Variants in PTPRT observed in about 807,000 individuals in gnomAD.
The protein encoded by PTPRT is receptor-type tyrosine-protein phosphatase T.
A neutral mutation model predicts 176.8 loss-of-function variants in PTPRT; 56 were observed. The observed-to-expected ratio is 0.32, with a 90% CI of 0.26 to 0.40. PTPRT has a LOEUF of 0.40. Ranked by LOEUF, PTPRT falls within the 10% of genes least tolerant of loss-of-function variation. The pLI is 1.00. For missense variants in PTPRT, 1,540 were observed against 1,908.2 expected, an observed-to-expected ratio of 0.81 and a Z score of 3.60; for synonymous variants, 783 against 739.0, an observed-to-expected ratio of 1.06 and a Z score of -0.96.
At chr20:42,190,868 C>T (rs963388915) in intron 16 of PTPRT, among the ~76,000 whole-genome samples, 7 of 152,168 alleles carry the variant, frequency 4.6e-5, no homozygotes, top group African/African-American at 1.7e-4. Flanking sequence ...GGGTGTCAGG[C>T]TGACCTAGGT....
intron 1 of PTPRT, among the ~76,000 whole-genome samples, chr20:43,069,339 C>T (rs2011151269): frequency 6.6e-6 from 1 of 152,210 alleles, no homozygotes; most frequent in African/African-American, 2.4e-5. Flanking sequence ...CAGCTACTAA[C>T]TGGTCAGTGC....
intron 9 of PTPRT, among the ~76,000 whole-genome samples, chr20:42,442,270 C>G (rs1425645231): frequency 6.6e-6 from 1 of 152,228 alleles, no homozygotes; most frequent in East Asian, 1.9e-4. Flanking sequence ...CCTTGTAATG[C>G]ACTCTGATGG....
At chr20:42,403,835 C>A (rs564711625) in intron 9 of PTPRT, among the ~76,000 whole-genome samples, 1 of 152,124 alleles carries the variant, frequency 6.6e-6, no homozygotes, top group African/African-American at 2.4e-5. Context: ...GTACAGGTGA[C>A]CTATTCTCAC....
chr20:42,718,536 TA>T (rs968115575), intron 6 of PTPRT, among the ~76,000 whole-genome samples: 13 of 151,826 alleles, frequency 8.6e-5, no homozygotes, highest in Middle Eastern at 3.4e-3. Context: ...GACTCTGCCT[TA>T]AAAAAAATAA....
chr20:42,192,283 C>A (rs566478558), intron 16 of PTPRT, among the ~76,000 whole-genome samples: 2 of 152,148 alleles, frequency 1.3e-5, no homozygotes, highest in Non-Finnish European at 2.9e-5. Context: ...GTTAAGGAAT[C>A]TTTACAAAGA....
chr20:43,039,537 A>T (rs1304509823), intron 1 of PTPRT, among the ~76,000 whole-genome samples: 1 of 152,062 alleles, frequency 6.6e-6, no homozygotes, highest in African/African-American at 2.4e-5. Flanking sequence ...GGCCTTTCTG[A>T]TGATGCCATG....
At chr20:42,890,738 T>C (rs2079178357) in intron 1 of PTPRT, among the ~76,000 whole-genome samples, 1 of 152,182 alleles carries the variant, frequency 6.6e-6, no homozygotes, top group African/African-American at 2.4e-5. Flanking sequence ...CTGCAGGTGT[T>C]TATGGCAGCT....
chr20:42,280,669 A>G (rs2057124560), intron 13 of PTPRT, among the ~76,000 whole-genome samples: 2 of 152,220 alleles, frequency 1.3e-5, no homozygotes, highest in Non-Finnish European at 2.9e-5. Context: ...AAGGAGAGGT[A>G]GAGAACTCTT....
intron 7 of PTPRT, among the ~76,000 whole-genome samples, chr20:42,596,024 A>G (rs2073664747): frequency 6.6e-6 from 1 of 152,212 alleles, no homozygotes; most frequent in African/African-American, 2.4e-5. Context: ...ATCCCTTAGT[A>G]GGAAGAGAAG....
chr20:42,270,494 A>C (rs1444051527), intron 13 of PTPRT: 1 of 1,538,554 alleles, frequency 6.5e-7, no homozygotes, highest in Non-Finnish European at 8.8e-7. Flanking sequence ...CATGCAGAAG[A>C]GAAGGAGAGA....
At chr20:42,932,775 G>A (rs938021227) in intron 1 of PTPRT, among the ~76,000 whole-genome samples, 1 of 152,178 alleles carries the variant, frequency 6.6e-6, no homozygotes, top group Non-Finnish European at 1.5e-5. Context: ...GGACACCTAG[G>A]TTACTTCTGA....
intron 1 of PTPRT, among the ~76,000 whole-genome samples, chr20:42,924,601 G>T (rs561269580): frequency 9.8e-5 from 15 of 152,318 alleles, no homozygotes; most frequent in Non-Finnish European, 1.9e-4. Flanking sequence ...CATCCTCAAG[G>T]TGAAGAAAGC....
the PTPRT span, among the ~76,000 whole-genome samples, chr20:42,039,497 C>A: frequency 6.6e-6 from 1 of 151,868 alleles, no homozygotes; most frequent in African/African-American, 2.4e-5. Flanking sequence ...ACTCCCTGCC[C>A]CCAGCCTCTG....
At position 43,189,166 on chromosome 20, in the gene PTPRT, A is replaced by T. The variant is rs1054460258; in HGVS notation, c.88+480T>A. Among the ~76,000 whole-genome samples the T allele has an allele frequency of 6.6e-6, 1 of 152,090 alleles. No individual in the cohort carries two copies. Among genetic ancestry groups the T allele is most frequent in the African/African-American group, 2.4e-5 (1 of 41,410 alleles). On this transcript the variant is annotated intron_variant, in intron 1 of 30. Transcript: ENST00000373187. The surrounding 1 kb of genome is among the most constrained non-coding windows in gnomAD (Gnocchi z 5.0). ...TGGAGAGCTTCCTGTATCTCCGAGG[A>T]AAAAAGAAAAGCCGCCGCCCCGGCA...
chr20:42,566,928 C>T (rs556778963), intron 7 of PTPRT, among the ~76,000 whole-genome samples: 5 of 152,216 alleles, frequency 3.3e-5, no homozygotes, highest in African/African-American at 7.2e-5. Context: ...ATATTATCTT[C>T]GTAACTTTTC....
chr20:42,034,513 A>G, the PTPRT span, among the ~76,000 whole-genome samples: 11 of 152,150 alleles, frequency 7.2e-5, no homozygotes, highest in Non-Finnish European at 2.9e-5. Flanking sequence ...TTGCTGTCCT[A>G]ATACCTAAAG....
intron 11 of PTPRT, among the ~76,000 whole-genome samples, chr20:42,322,761 G>T: frequency 6.6e-6 from 1 of 151,896 alleles, no homozygotes; most frequent in Non-Finnish European, 1.5e-5. Context: ...TGGCAAATGG[G>T]ATCTAATTAA....
intron 15 of PTPRT, among the ~76,000 whole-genome samples, chr20:42,205,041 T>G (rs1397589723): frequency 8.0e-6 from 1 of 124,438 alleles, no homozygotes; most frequent in African/African-American, 3.1e-5. Context: ...TTGTTACATA[T>G]GTATACATGT....
chr20:42,095,293 G>A (rs1985085933), intron 27 of PTPRT, among the ~76,000 whole-genome samples: 1 of 152,178 alleles, frequency 6.6e-6, no homozygotes, highest in Non-Finnish European at 1.5e-5. Flanking sequence ...CATGTGCATG[G>A]CTCTCTGTTT....
Sources: allele counts gnomAD v4.1 joint callset (sites outside exome capture counted in the v4.1 genomes callset), GRCh38; gene constraint gnomAD v4.1.1; non-coding constraint Gnocchi (gnomAD v3.1); transcripts MANE v1.5; gene names NCBI Gene and HGNC (gene_info 2026-07-23, HGNC 2026-07-21).